Variants in IGSF9B observed in about 807,000 individuals in gnomAD.
IGSF9B encodes immunoglobulin superfamily member 9B.
IGSF9B carries 48 observed loss-of-function variants against 143.7 expected under a neutral mutation model. The observed-to-expected ratio is 0.33, with a 90% CI of 0.26 to 0.42. The LOEUF is 0.42. IGSF9B is among the 20% of genes least tolerant of loss of function. The probability of loss-of-function intolerance (pLI) is 1.00; values close to 1 mark genes in which losing one functional copy is unlikely to be tolerated. For missense variants in IGSF9B, 1,706 were observed against 1,980.0 expected, an observed-to-expected ratio of 0.86 and a Z score of 2.63; for synonymous variants, 903 against 833.1, an observed-to-expected ratio of 1.08 and a Z score of -1.44.
chr11:133,920,046 C>G lies in IGSF9B; in HGVS notation c.3679G>C (p.Gly1227Arg). Reference protein sequence around the residue: ...ELAARARPRPGLLQQAEMSEI... With the variant: ...ELAARARPRPRLLQQAEMSEI... ...GACATCTCTGCCTGCTGCAGGAGGC[C>G]CGGGCGAGGCCGGGCACGGGCGGCG... The change falls in exon 18 of 20, where the codon GGC becomes CGC. Residue 1227 changes from glycine to arginine, a missense_variant. Physicochemically the swap from Gly to Arg is moderately radical, Grantham distance 125. Around this residue, in one of 7 missense-constraint regions of IGSF9B, gnomAD observed 880 missense variants for 762.9 expected, o/e 1.15. Coordinates refer to ENST00000533871, the MANE Select transcript of IGSF9B (RefSeq NM_001277285.4). 6.4e-7 allele frequency: 1 copy of G among 1,556,732 alleles called. No individual in the cohort carries two copies. Among genetic ancestry groups the G allele is most frequent in the Non-Finnish European group, 8.7e-7 (1 of 1,153,486 alleles).
rs776663771 is a variant in IGSF9B at position 133,922,745 on chromosome 11, G to T, written c.2120-15C>A. ...CGGGAAGATGTCTGCAGGGAGGGTG[G>T]GGAGCACTCATGAGCCCATCCTTCC... On this transcript the variant is annotated splice_polypyrimidine_tract_variant and intron_variant, in intron 15 of 19. Transcript: ENST00000533871. 2 of 1,550,180 alleles carry T rather than the reference G, an allele frequency of 1.3e-6. No homozygotes were observed.
intron 11 of IGSF9B, 30 bp from the exon 12 acceptor site, chr11:133,929,812 G>A (rs1396829658): frequency 6.7e-7 from 1 of 1,496,942 alleles, no homozygotes; most frequent in Admixed American, 1.7e-5. Flanking sequence ...CTCTCAGACT[G>A]AAAAGAACTC....
intron 3 of IGSF9B, among the ~76,000 whole-genome samples, 186 bp downstream of exon 3, chr11:133,944,032 TTC>T (rs1939998497): frequency 6.6e-6 from 1 of 152,218 alleles, no homozygotes; most frequent in Non-Finnish European, 1.5e-5. Flanking sequence ...CTGCACAGGC[TTC>T]GAGAAGACAG....
Position 133,896,634 on chromosome 11 carries a change from T to G in IGSF9B, c.*12435A>C, listed in dbSNP as rs566987121. 1.3e-5 allele frequency: 2 copies of G among 152,310 alleles called. No individual in the cohort carries two copies. The highest frequency in any genetic ancestry group is 4.8e-5 in the African/African-American group (2 of 41,564). The allele number at this position is 152,310 out of a possible 1,614,324, so 9.4% of individuals were successfully genotyped here. A position where few individuals can be genotyped will look rare whatever the true frequency, so the allele number is the denominator to read the frequency against. Reference sequence around the variant, plus strand: ...CTCATTTGCTTATGCACGTGTTTGCTCATTTTGATTTGTAATTCAGGATAT... The same window carrying G: ...CTCATTTGCTTATGCACGTGTTTGCGCATTTTGATTTGTAATTCAGGATAT... On this transcript the variant is annotated 3_prime_UTR_variant, in exon 20 of 20. Coordinates refer to ENST00000533871, the MANE Select transcript of IGSF9B (RefSeq NM_001277285.4).
At chr11:133,932,377 G>GGGAC (rs1939750181) in intron 7 of IGSF9B, among the ~76,000 whole-genome samples, 164 bp from the exon 8 acceptor site, 1 of 139,972 alleles carries the variant, frequency 7.1e-6, no homozygotes, top group Middle Eastern at 5.0e-3. Context: ...GACAGACACG[G>GGGAC]GGACAGACAG....
rs1288893479 is a variant in IGSF9B, at chr11:133,922,785, G to A, written c.2120-55C>T. The stretch of plus-strand genomic sequence containing the variant: ...CCCATCCTTCCCCGGGACCTCACCT[G>A]CTCCGACCTTCAGTCCCCAAGTGTT... On this transcript the variant is annotated intron_variant, in intron 15 of 19. Coordinates refer to ENST00000533871, the MANE Select transcript of IGSF9B (RefSeq NM_001277285.4). 7 of 1,471,226 alleles carry A rather than the reference G, an allele frequency of 4.8e-6. No individual in the cohort carries two copies. In the Admixed American group the frequency reaches 1.0e-4, roughly 21 times the overall value. The allele number at this position is 1,471,226 out of a possible 1,614,324, so 91.1% of individuals were successfully genotyped here. A position where few individuals can be genotyped will look rare whatever the true frequency, so the allele number is the denominator to read the frequency against.
chr11:133,931,621 G>C lies in IGSF9B; in HGVS notation c.1251+34C>G. On this transcript the variant is annotated intron_variant, in intron 9 of 19. Coordinates refer to ENST00000533871, the MANE Select transcript of IGSF9B (RefSeq NM_001277285.4). This position sits in a 1 kb window ranked among gnomAD's most constrained non-coding sequence, Gnocchi z 7.7. ...GTGAGGCCGGGGATCCAGGTGCCCA[G>C]CTCATGGAGGCCGTCACAGCCCTGG... The C allele has an allele frequency of 6.2e-7, 1 of 1,608,164 alleles. No homozygotes were observed. The highest frequency in any genetic ancestry group is 8.5e-7 in the Non-Finnish European group (1 of 1,176,260).
intron 1 of IGSF9B, among the ~76,000 whole-genome samples, chr11:133,947,229 A>C (rs1399009967): frequency 3.9e-5 from 6 of 152,098 alleles, no homozygotes; most frequent in Admixed American, 3.9e-4. Context: ...TCCTGGGCCC[A>C]AAGAAGGCAT....
At chr11:133,919,248 G>T in intron 18 of IGSF9B, 1 of 354,272 alleles carries the variant, frequency 2.8e-6, no homozygotes, top group Non-Finnish European at 5.6e-6. Flanking sequence ...CAGGAGTTCG[G>T]GAACAGGAGG....
In IGSF9B at chr11:133,904,309, G is replaced by A. The variant is rs953050198; in HGVS notation, c.*4760C>T. 6.6e-6 allele frequency among the ~76,000 whole-genome samples: 1 copy of A among 152,214 alleles called. No homozygotes were observed. The highest frequency in any genetic ancestry group is 2.4e-5 in the African/African-American group (1 of 41,460). ...GCACTTCCTTCTCCACTGATGAAGA[G>A]CTGGTGATAGGATGGGCATCTCAAG... On this transcript the variant is annotated 3_prime_UTR_variant, in exon 20 of 20. Coordinates refer to ENST00000533871, the MANE Select transcript of IGSF9B (RefSeq NM_001277285.4).
In IGSF9B at chr11:133,896,626, G is replaced by A. The variant is rs148735940; in HGVS notation, c.*12443C>T. 85 of 152,248 alleles carry A rather than the reference G, an allele frequency of 5.6e-4. No individual in the cohort carries two copies. The highest frequency in any genetic ancestry group is 1.8e-3 in the African/African-American group (74 of 41,542). The allele number at this position is 152,248 out of a possible 1,614,324, so 9.4% of individuals were successfully genotyped here. A position where few individuals can be genotyped will look rare whatever the true frequency, so the allele number is the denominator to read the frequency against. ...TCTTTTTTCTCATTTGCTTATGCAC[G>A]TGTTTGCTCATTTTGATTTGTAATT... On this transcript the variant is annotated 3_prime_UTR_variant, in exon 20 of 20. Coordinates refer to ENST00000533871, the MANE Select transcript of IGSF9B (RefSeq NM_001277285.4).
intron 12 of IGSF9B, 56 bp from the exon 13 acceptor site, chr11:133,927,147 A>G: frequency 7.0e-7 from 1 of 1,419,198 alleles, no homozygotes; most frequent in South Asian, 1.3e-5. Context: ...GTCACACTGG[A>G]GAGAAGAGGG....
intron 7 of IGSF9B, among the ~76,000 whole-genome samples, 161 bp from the exon 8 acceptor site, chr11:133,932,374 A>C (rs1369816466): frequency 1.4e-5 from 2 of 142,622 alleles, no homozygotes; most frequent in Non-Finnish European, 3.0e-5. Flanking sequence ...ACAGACAGAC[A>C]CGGGGACAGA....
chr11:133,956,636 C>G, intron 1 of IGSF9B, 55 bp downstream of exon 1: 1 of 1,243,506 alleles, frequency 8.0e-7, no homozygotes, highest in Non-Finnish European at 1.1e-6. Flanking sequence ...GGGCCGGGCG[C>G]GAGGGGCCGA....
chr11:133,924,942 C>T (rs747318336), intron 14 of IGSF9B, 38 bp from the exon 15 acceptor site: 2 of 1,552,182 alleles, frequency 1.3e-6, no homozygotes, highest in East Asian at 2.2e-5. Flanking sequence ...AGCCGAGGGA[C>T]CTGAGATGAC....
Position 133,902,713 on chromosome 11 carries a change from A to G in IGSF9B, c.*6356T>C, listed in dbSNP as rs1390180790. 6.6e-6 allele frequency among the ~76,000 whole-genome samples: 1 copy of G among 152,174 alleles called. No homozygotes were observed. Among genetic ancestry groups the G allele is most frequent in the African/African-American group, 2.4e-5 (1 of 41,436 alleles). On this transcript the variant is annotated 3_prime_UTR_variant, in exon 20 of 20. Coordinates refer to ENST00000533871, the MANE Select transcript of IGSF9B (RefSeq NM_001277285.4). Reference sequence around the variant, plus strand: ...AGACAATCCCTTCTCCAGCCCTGCCAGGACACCGTCGGCCATGGCACACCT... The same window carrying G: ...AGACAATCCCTTCTCCAGCCCTGCCGGGACACCGTCGGCCATGGCACACCT...
At position 133,948,841 on chromosome 11, in the gene IGSF9B, T is replaced by A. The variant is rs1244370206; in HGVS notation, c.65-2583A>T. Among the ~76,000 whole-genome samples the A allele has an allele frequency of 6.6e-6, 1 of 152,132 alleles. No individual in the cohort carries two copies. Among genetic ancestry groups the A allele is most frequent in the Non-Finnish European group, 1.5e-5 (1 of 68,026 alleles). On this transcript the variant is annotated intron_variant, in intron 1 of 19. Coordinates refer to ENST00000533871, the MANE Select transcript of IGSF9B (RefSeq NM_001277285.4). This position sits in a 1 kb window ranked among gnomAD's most constrained non-coding sequence, Gnocchi z 4.7. ...GAGGCCTAGGGGGACAGCAGGCACC[T>A]CCAACAGTGGAGTTTGCTCTGGTGA...
chr11:133,933,982 G>GT (rs35234689), intron 7 of IGSF9B, among the ~76,000 whole-genome samples: 32,812 of 145,210 alleles, frequency 0.23, 4,188 homozygotes, highest in Non-Finnish European at 0.29. Context: ...GTATGGTAGA[G>GT]TTTTTTTTTT....
In IGSF9B at chr11:133,905,244, C is replaced by T. The variant is rs1286357032; in HGVS notation, c.*3825G>A. Among the ~76,000 whole-genome samples, 1 of 152,012 alleles carries T rather than the reference C, an allele frequency of 6.6e-6. No homozygotes were observed. The highest frequency in any genetic ancestry group is 1.5e-5 in the Non-Finnish European group (1 of 68,014). On this transcript the variant is annotated 3_prime_UTR_variant, in exon 20 of 20. Transcript: ENST00000533871. This position sits in a 1 kb window ranked among gnomAD's most constrained non-coding sequence, Gnocchi z 4.0. ...TTTATGTACAATTCTTCCCCCACCC[C>T]ACCCCCAAGCCTGGAAAAGGCTTTT...
Sources: gnomAD v4.1 joint callset for allele counts (sites outside exome capture counted in the v4.1 genomes callset) on GRCh38, gnomAD v4.1.1 for gene constraint, gnomAD v4.1.1 regional missense constraint, Gnocchi (gnomAD v3.1) non-coding constraint, MANE v1.5 for transcripts, NCBI Gene and HGNC (gene_info 2026-07-23, HGNC 2026-07-21) for gene names.